CDH13: variants seen among roughly 807,000 people sequenced by gnomAD.
CDH13 encodes the protein cadherin-13.
Under a neutral mutation model 63.8 loss-of-function variants are expected in CDH13, and 24 were observed. The observed-to-expected ratio is 0.38, with a 90% CI of 0.27 to 0.53. CDH13 has a LOEUF of 0.53. CDH13 is among the 20% of genes least tolerant of loss of function. The pLI is 0.85. For missense variants in CDH13, 1,049 were observed against 903.1 expected (o/e 1.16, Z -2.07); for synonymous variants, 503 against 355.3 (o/e 1.42, Z -4.67).
intron 5 of CDH13, among the ~76,000 whole-genome samples, chr16:83,254,956 TTTC>T (rs1906048185): frequency 2.6e-4 from 1 of 3,886 alleles, no homozygotes; most frequent in African/African-American, 2.9e-4. Context: ...TTTCTCTTTC[TTTC>T]TTTCTTTCTT....
intron 2 of CDH13, among the ~76,000 whole-genome samples, chr16:82,920,463 C>G (rs141888748): frequency 6.6e-6 from 1 of 152,186 alleles, no homozygotes; most frequent in Non-Finnish European, 1.5e-5. Context: ...ACAAAGACAA[C>G]ATACACTGGT....
intron 2 of CDH13, among the ~76,000 whole-genome samples, chr16:82,951,652 A>G (rs904427246): frequency 1.3e-5 from 2 of 151,774 alleles, no homozygotes; most frequent in African/African-American, 2.4e-5. Context: ...GCTCCCCACA[A>G]CTCTCCCAGG....
At chr16:83,059,970 A>G (rs376511675) in intron 3 of CDH13, among the ~76,000 whole-genome samples, 80 of 151,392 alleles carry the variant, frequency 5.3e-4, no homozygotes, top group African/African-American at 1.8e-3. Context: ...ATATTTTTGT[A>G]TTTAGAGTAG....
At chr16:83,337,974 T>C (rs2090635258) in intron 5 of CDH13, among the ~76,000 whole-genome samples, 1 of 151,890 alleles carries the variant, frequency 6.6e-6, no homozygotes, top group South Asian at 2.1e-4. Context: ...ATTCAGCAAG[T>C]GTGAGCACAG....
At chr16:83,051,207 C>T (rs941715635) in intron 3 of CDH13, among the ~76,000 whole-genome samples, 1 of 152,172 alleles carries the variant, frequency 6.6e-6, no homozygotes, top group Admixed American at 6.5e-5. Flanking sequence ...TCCCAACCTG[C>T]TTTGTCACTT....
intron 2 of CDH13, among the ~76,000 whole-genome samples, chr16:83,009,066 C>T (rs191264910): frequency 6.6e-6 from 1 of 152,168 alleles, no homozygotes; most frequent in African/African-American, 2.4e-5. Context: ...TTCAATTCCA[C>T]CCCCACCGGG....
chr16:83,444,760 G>A (rs191007548), intron 6 of CDH13, among the ~76,000 whole-genome samples: 6 of 70,212 alleles, frequency 8.5e-5, no homozygotes, highest in Admixed American at 6.1e-4. Flanking sequence ...TCTGACTGCC[G>A]AGTTAATTTA....
chr16:83,781,001 G>A (rs895207112), intron 12 of CDH13, among the ~76,000 whole-genome samples: 8 of 152,110 alleles, frequency 5.3e-5, no homozygotes, highest in Admixed American at 3.3e-4. Flanking sequence ...TCCATAGTAC[G>A]CTGCAGACCT....
At chr16:83,114,608 G>C (rs749985191) in intron 3 of CDH13, among the ~76,000 whole-genome samples, 3 of 152,200 alleles carry the variant, frequency 2.0e-5, no homozygotes, top group Non-Finnish European at 2.9e-5. Context: ...TAAATCTGCA[G>C]TGGGTGACTT....
intron 3 of CDH13, among the ~76,000 whole-genome samples, chr16:83,079,080 C>T (rs942873970): frequency 3.3e-5 from 5 of 152,138 alleles, no homozygotes; most frequent in African/African-American, 1.2e-4. Flanking sequence ...CAGGTGTGAG[C>T]CATTGTGCCC....
chr16:82,798,107 C>G (rs1257891757), intron 1 of CDH13, among the ~76,000 whole-genome samples: 1 of 152,156 alleles, frequency 6.6e-6, no homozygotes, highest in African/African-American at 2.4e-5. Context: ...GATGCAGTGT[C>G]TGAATTGGAT....
intron 3 of CDH13, among the ~76,000 whole-genome samples, chr16:83,051,694 C>T (rs1285707563): frequency 6.6e-6 from 1 of 152,224 alleles, no homozygotes; most frequent in Non-Finnish European, 1.5e-5. Context: ...AAGTAAACCT[C>T]TGCTTATGGA....
At chr16:83,129,111 C>G (rs550515756) in intron 4 of CDH13, among the ~76,000 whole-genome samples, 31 of 152,186 alleles carry the variant, frequency 2.0e-4, no homozygotes, top group African/African-American at 4.3e-4. Flanking sequence ...CCACAGCTGA[C>G]GAGCTGTGCT....
chr16:83,619,682 C>T (rs141190158), intron 8 of CDH13, among the ~76,000 whole-genome samples: 77 of 152,358 alleles, frequency 5.1e-4, no homozygotes, highest in African/African-American at 1.7e-3. Flanking sequence ...CGTGCCCATG[C>T]CTGTGTCCAC....
At chr16:83,501,839 G>A (rs947354934) in intron 7 of CDH13, among the ~76,000 whole-genome samples, 3 of 152,218 alleles carry the variant, frequency 2.0e-5, no homozygotes, top group Admixed American at 2.0e-4. Context: ...ACTCATTTCA[G>A]GGATTTCTGT....
intron 1 of CDH13, among the ~76,000 whole-genome samples, chr16:82,697,906 C>T (rs1015228584): frequency 1.3e-5 from 2 of 152,054 alleles, no homozygotes; most frequent in Non-Finnish European, 2.9e-5. Context: ...ATTGTTGCCC[C>T]AACATGACAG....
intron 2 of CDH13, among the ~76,000 whole-genome samples, chr16:82,867,335 A>G (rs2040184938): frequency 6.6e-6 from 1 of 152,072 alleles, no homozygotes; most frequent in African/African-American, 2.4e-5. Context: ...GTGTTTTCCC[A>G]TCACTTTTAT....
intron 5 of CDH13, among the ~76,000 whole-genome samples, chr16:83,314,105 C>T (rs1184215921): frequency 6.6e-6 from 1 of 152,172 alleles, no homozygotes; most frequent in Non-Finnish European, 1.5e-5. Context: ...TAGCATTGCT[C>T]TAATCAAAAA....
intron 1 of CDH13, among the ~76,000 whole-genome samples, chr16:82,768,293 G>C (rs936328481): frequency 1.3e-5 from 2 of 152,194 alleles, no homozygotes; most frequent in African/African-American, 4.8e-5. Context: ...ATACCTGCTA[G>C]TTGATAATGA....
Sources: gnomAD v4.1 joint callset for allele counts (sites outside exome capture counted in the v4.1 genomes callset) on GRCh38, gnomAD v4.1.1 for gene constraint, MANE v1.5 for transcripts, NCBI Gene and HGNC (gene_info 2026-07-23, HGNC 2026-07-21) for gene names.